The following PRKAG2 variants were observed in gnomAD, a reference collection of about 807,000 sequenced individuals.
PRKAG2 encodes the protein 5'-AMP-activated protein kinase subunit gamma-2.
Under a neutral mutation model 69.6 loss-of-function variants are expected in PRKAG2, and 26 were observed. That is an observed-to-expected ratio of 0.37 (90% CI 0.27 to 0.52). The LOEUF (loss-of-function observed/expected upper bound fraction) is 0.52, where lower values mean the gene tolerates loss of function less well. Ranked by LOEUF, PRKAG2 falls within the 20% of genes least tolerant of loss-of-function variation. The pLI is 0.90. For missense variants in PRKAG2, 557 were observed against 740.0 expected (o/e 0.75, Z 2.87); for synonymous variants, 293 against 285.0 (o/e 1.03, Z -0.28).
chr7:151,557,710 A>G, intron 15 of PRKAG2: 1 of 484,446 alleles, frequency 2.1e-6, no homozygotes, highest in Non-Finnish European at 2.7e-6. Flanking sequence ...TCTCTACTAA[A>G]AATACAAAAA....
At chr7:151,696,134 AGCCG>A (rs926970371) in intron 3 of PRKAG2, among the ~76,000 whole-genome samples, 15 of 152,304 alleles carry the variant, frequency 9.8e-5, no homozygotes, top group Admixed American at 3.3e-4. Context: ...CCAGGAGCTC[AGCCG>A]GCCTTTGTTC....
intron 14 of PRKAG2, among the ~76,000 whole-genome samples, chr7:151,561,595 G>A (rs1476812598): frequency 1.3e-5 from 2 of 152,224 alleles, no homozygotes; most frequent in Admixed American, 1.3e-4. Flanking sequence ...TTCTGTAACA[G>A]GCCTTTCACC....
At position 151,690,114 on chromosome 7, in the gene PRKAG2, C is replaced by T. The variant is rs138541928; in HGVS notation, c.467-14477G>A. ...AGGGTTTACCTCTGCCCCTCGATGG[C>T]AACAACAATTCTGGGAGTTCAGGGC... is the stretch of plus-strand genomic sequence containing the variant. On this transcript the variant is annotated intron_variant, in intron 3 of 15. Transcript: ENST00000287878. Among the ~76,000 whole-genome samples, 447 of 152,274 alleles carry T rather than the reference C, an allele frequency of 2.9e-3. 2 individuals are homozygous for T. Among genetic ancestry groups the T allele is most frequent in the Non-Finnish European group, 4.7e-3 (323 of 68,020 alleles).
intron 1 of PRKAG2, among the ~76,000 whole-genome samples, chr7:151,874,704 G>C (rs2080345598): frequency 6.6e-6 from 1 of 152,084 alleles, no homozygotes; most frequent in Non-Finnish European, 1.5e-5. Context: ...TGGGCAACAT[G>C]GTAAAACCTC....
intron 1 of PRKAG2, among the ~76,000 whole-genome samples, chr7:151,831,161 C>T (rs953599921): frequency 6.6e-5 from 10 of 152,284 alleles, no homozygotes; most frequent in South Asian, 2.1e-4. Context: ...GTGCTGCCAG[C>T]TTGGAAAACT....
intron 4 of PRKAG2, among the ~76,000 whole-genome samples, chr7:151,649,499 CT>C (rs1448700087): frequency 1.3e-5 from 2 of 152,152 alleles, no homozygotes; most frequent in Non-Finnish European, 2.9e-5. Flanking sequence ...GTTGGTTGTG[CT>C]TGATATGGTT....
At position 151,771,062 on chromosome 7, in the gene PRKAG2, A is replaced by G. The variant is rs7779321; in HGVS notation, c.466+10090T>C. 2.6e-5 allele frequency among the ~76,000 whole-genome samples: 4 copies of G among 152,362 alleles called. No homozygotes were observed. The highest frequency in any genetic ancestry group is 9.6e-5 in the African/African-American group (4 of 41,588). On this transcript the variant is annotated intron_variant, in intron 3 of 15. Coordinates refer to ENST00000287878, the MANE Select transcript of PRKAG2 (RefSeq NM_016203.4). The surrounding 1 kb of genome is among the most constrained non-coding windows in gnomAD (Gnocchi z 4.0). ...TGATCAAATTATCTGCCCACAATGT[A>G]TAGGTTGCTTACAAAAATAACCAGC...
rs75106459 is a variant in PRKAG2 at position 151,559,007 on chromosome 7, G to C, written c.1678+1517C>G. 949 of 985,450 alleles carry C rather than the reference G, an allele frequency of 9.6e-4. 7 individuals carry two copies. In the African/African-American group the frequency reaches 0.015, roughly 15 times the overall value. 61.0% of individuals were successfully genotyped at this position (985,450 alleles called of 1,614,324 possible). ...CCCGCTGGGCAGACTGTGTCCCGTG[G>C]TCCAGGGCTGGAAACGGGGCATCTT... On this transcript the variant is annotated intron_variant, in intron 15 of 15. Coordinates refer to ENST00000287878, the MANE Select transcript of PRKAG2 (RefSeq NM_016203.4).
chr7:151,663,950 TCTGTTGCAGCAACTCACTCTG>T (rs1830675406), intron 4 of PRKAG2, among the ~76,000 whole-genome samples: 1 of 152,198 alleles, frequency 6.6e-6, no homozygotes, highest in South Asian at 2.1e-4. Flanking sequence ...CCATATAGTC[TCTGTTGCAGCAACTCACTCTG>T]CTGTTGCAGC....
chr7:151,873,550 G>C (rs2080268883), intron 1 of PRKAG2, among the ~76,000 whole-genome samples: 1 of 152,084 alleles, frequency 6.6e-6, no homozygotes, highest in Non-Finnish European at 1.5e-5. Flanking sequence ...TGAGGACTTG[G>C]GCAGATCTTC....
At chr7:151,715,089 C>T (rs2151620375) in intron 3 of PRKAG2, among the ~76,000 whole-genome samples, 1 of 147,982 alleles carries the variant, frequency 6.8e-6, no homozygotes, top group South Asian at 2.1e-4. Flanking sequence ...GATCCCGACT[C>T]ACTGCAACCT....
Position 151,833,445 on chromosome 7 carries a change from C to T in PRKAG2, c.114+43062G>A, listed in dbSNP as rs964561752. ...GGCCCTGGAAAGGAGAGGGTGGAAG[C>T]GGCAGGGAGGGCCCTGGGGAAGTCT... On this transcript the variant is annotated intron_variant, in intron 1 of 15. Transcript: ENST00000287878. Among the ~76,000 whole-genome samples, 10 of 152,264 alleles carry T rather than the reference C, an allele frequency of 6.6e-5. No individual in the cohort carries two copies. In the South Asian group the frequency reaches 1.0e-3, roughly 16 times the overall value.
chr7:151,750,933 C>T (rs903832335), intron 3 of PRKAG2, among the ~76,000 whole-genome samples: 5 of 151,068 alleles, frequency 3.3e-5, no homozygotes, highest in Non-Finnish European at 2.9e-5. Context: ...TGCATTTTAC[C>T]ACAAAAAAAG....
rs1159760978 is a variant in PRKAG2, at chr7:151,870,154, T to TAGATAGGC, written c.114+6352_114+6353insGCCTATCT. On this transcript the variant is annotated intron_variant, in intron 1 of 15. Transcript: ENST00000287878. ...ATAGATAGATAGATAGATAGATAGATAGGCAGGCAGGCAGGCAGGCAGGCA... is the reference window on the plus strand; with the variant it reads ...ATAGATAGATAGATAGATAGATAGATAGATAGGCAGGCAGGCAGGCAGGCAGGCAGGCA... Among the ~76,000 whole-genome samples the TAGATAGGC allele has an allele frequency of 2.7e-3, 379 of 138,382 alleles. 4 individuals carry two copies. The highest frequency in any genetic ancestry group is 0.021 in the East Asian group (93 of 4,496). The allele number at this position is 138,382 out of a possible 152,430, so 90.8% of individuals were successfully genotyped here.
chr7:151,588,526 C>G (rs1190309754), intron 6 of PRKAG2, among the ~76,000 whole-genome samples: 1 of 136,958 alleles, frequency 7.3e-6, no homozygotes, highest in East Asian at 2.4e-4. Flanking sequence ...CCAAGCCCAG[C>G]TAATTTTCGT....
intron 5 of PRKAG2, among the ~76,000 whole-genome samples, chr7:151,606,356 G>A (rs17134624): frequency 0.027 from 4,069 of 152,176 alleles, 145 homozygotes; most frequent in East Asian, 0.11. Context: ...TAAACTTTAC[G>A]ATTATAGGTG....
intron 4 of PRKAG2, among the ~76,000 whole-genome samples, chr7:151,649,668 G>C (rs1239105753): frequency 6.6e-6 from 1 of 152,136 alleles, no homozygotes; most frequent in Admixed American, 6.6e-5. Context: ...GAATTTTCAT[G>C]AGAGCTGGTT....
intron 1 of PRKAG2, among the ~76,000 whole-genome samples, chr7:151,865,903 C>T (rs1253305280): frequency 1.3e-5 from 2 of 151,700 alleles, no homozygotes; most frequent in African/African-American, 2.4e-5. Context: ...GCCCGTAGAC[C>T]CAGCTACTCG....
intron 4 of PRKAG2, among the ~76,000 whole-genome samples, chr7:151,653,777 GGTTGCAGTGA>G (rs1828936376): frequency 1.3e-5 from 2 of 152,188 alleles, no homozygotes; most frequent in Admixed American, 1.3e-4. Context: ...TGGAGCTGGA[GGTTGCAGTGA>G]GCTGAGATTG....
Sources: gnomAD v4.1 joint callset for allele counts (sites outside exome capture counted in the v4.1 genomes callset) on GRCh38, gnomAD v4.1.1 for gene constraint, Gnocchi (gnomAD v3.1) non-coding constraint, MANE v1.5 for transcripts, NCBI Gene and HGNC (gene_info 2026-07-23, HGNC 2026-07-21) for gene names.